The following RRH variants were observed in gnomAD, a reference collection of about 807,000 sequenced individuals.
The protein encoded by RRH is visual pigment-like receptor peropsin.
A neutral mutation model predicts 33.1 loss-of-function variants in RRH; 36 were observed. That is an observed-to-expected ratio of 1.09 (90% CI 0.83 to 1.44). RRH has a LOEUF of 1.44. RRH is among the 40% of genes most tolerant of loss of function. The pLI, the probability that RRH is intolerant of heterozygous loss-of-function variation, is 0.00. For missense variants in RRH, 393 were observed against 420.2 expected (o/e 0.94, Z 0.57); for synonymous variants, 124 against 140.2 (o/e 0.88, Z 0.82).
At chr4:109,829,592 C>G (rs901690318) in intron 1 of RRH, among the ~76,000 whole-genome samples, 1 of 152,108 alleles carries the variant, frequency 6.6e-6, no homozygotes, top group Non-Finnish European at 1.5e-5. Flanking sequence ...ATACCAAGCA[C>G]TGTTCTAAAA....
At chr4:109,836,874 T>C (rs1733893871) in intron 4 of RRH, among the ~76,000 whole-genome samples, 2 of 123,702 alleles carry the variant, frequency 1.6e-5, no homozygotes, top group South Asian at 2.6e-4. Flanking sequence ...GGGCAACATA[T>C]TGAGACCCTG....
chr4:109,844,333 G>A lies in RRH; in HGVS notation c.*136G>A, dbSNP rs80108392. ...AGTGTAAGCTCCTCAAGCACAGCTC[G>A]TGCTTCTGTTTGTGCACTCTGGCTG... is the stretch of plus-strand genomic sequence containing the variant. On this transcript the variant is annotated 3_prime_UTR_variant, in exon 7 of 7. Transcript: ENST00000317735. The A allele has an allele frequency of 0.02, 12,574 of 638,576 alleles. 698 individuals carry two copies. Among genetic ancestry groups the A allele is most frequent in the East Asian group, 0.13 (4,420 of 32,834 alleles). The allele number at this position is 638,576 out of a possible 1,614,324, so 39.6% of individuals were successfully genotyped here.
chr4:109,835,376 G>GATTGAAT lies in RRH; in HGVS notation c.312_318dup (p.Phe107GlufsTer27), dbSNP rs1207040359. ...AATTTTGGTTTTCAGGTTTATGCTG[G>GATTGAAT]ATTGAATATTTTTTTTGGAATGGCA... On this transcript the variant is annotated frameshift_variant, in exon 3 of 7. Transcript: ENST00000317735. LOFTEE classifies it high-confidence loss of function. 1.2e-6 allele frequency: 2 copies of GATTGAAT among 1,613,732 alleles called. No individual in the cohort carries two copies. The highest frequency in any genetic ancestry group is 2.2e-5 in the South Asian group (2 of 91,074).
At chr4:109,843,453 C>T (rs1022662868) in intron 6 of RRH, among the ~76,000 whole-genome samples, 2 of 152,238 alleles carry the variant, frequency 1.3e-5, no homozygotes, top group Non-Finnish European at 2.9e-5. Flanking sequence ...TCGTGATCCG[C>T]CCGCCTCGGC....
At chr4:109,834,192 C>T (rs1186530182) in intron 2 of RRH, among the ~76,000 whole-genome samples, 3 of 152,060 alleles carry the variant, frequency 2.0e-5, no homozygotes, top group Admixed American at 2.0e-4. Flanking sequence ...TGAGGTTTAT[C>T]CATGTTGATG....
At chr4:109,834,023 A>G (rs1733823079) in intron 2 of RRH, among the ~76,000 whole-genome samples, 1 of 152,178 alleles carries the variant, frequency 6.6e-6, no homozygotes, top group Admixed American at 6.5e-5. Flanking sequence ...GATGAAGGCC[A>G]CCGCATGCCA....
In RRH at chr4:109,844,108, T is replaced by C; in HGVS notation, c.925T>C (p.Phe309Leu). 1 of 1,613,834 alleles carries C rather than the reference T, an allele frequency of 6.2e-7. No homozygotes were observed. The highest frequency in any genetic ancestry group is 2.2e-5 in the East Asian group (1 of 44,868). Residue 309 changes from phenylalanine (F) to leucine (L), a missense_variant, in exon 7 of 7, where the codon TTC (phenylalanine) becomes CTC (leucine). By Grantham distance (22) the Phe-to-Leu change is conservative. Transcript: ENST00000317735. Reference sequence around the variant, plus strand: ...GTTTCGGAGGGCAATGCTTGCCATGTTCAAATGTCAGACTCACCAAACAAT... The same window carrying C: ...GTTTCGGAGGGCAATGCTTGCCATGCTCAAATGTCAGACTCACCAAACAAT... ...KKFRRAMLAM[F>L]KCQTHQTMPV...
Position 109,836,036 on chromosome 4 carries a change from G to T in RRH, c.427G>T (p.Gly143Cys). The change falls in exon 4 of 7, where the codon GGC becomes TGC. Residue 143 changes from glycine to cysteine, a missense_variant. Physicochemically the swap from Gly to Cys is radical, Grantham distance 159 (BLOSUM62 -3). Coordinates refer to ENST00000317735, the MANE Select transcript of RRH (RefSeq NM_006583.5). ...GRRMTTNTYI[G>C]LILGAWINGL... ...AAGAATGACCACCAACACTTACATC[G>T]GCTTGATTCTGGGAGCCTGGATCAA... The T allele has an allele frequency of 2.5e-6, 4 of 1,614,102 alleles. No individual in the cohort carries two copies. Among genetic ancestry groups the T allele is most frequent in the Non-Finnish European group, 3.4e-6 (4 of 1,180,026 alleles).
intron 5 of RRH, among the ~76,000 whole-genome samples, chr4:109,838,420 A>T (rs1479600113): frequency 6.6e-6 from 1 of 151,974 alleles, no homozygotes; most frequent in South Asian, 2.1e-4. Flanking sequence ...GAAAGCCAAC[A>T]TCCTCAGGCC....
At chr4:109,842,240 T>C (rs1195651444) in intron 5 of RRH, among the ~76,000 whole-genome samples, 5 of 152,110 alleles carry the variant, frequency 3.3e-5, no homozygotes, top group Non-Finnish European at 1.5e-5. Context: ...AAAAGCAATG[T>C]TATATATTCT....
intron 4 of RRH, 128 bp downstream of exon 4, chr4:109,836,288 G>A: frequency 1.0e-6 from 1 of 960,506 alleles, no homozygotes; most frequent in Non-Finnish European, 1.6e-6. Context: ...TGGTAGTGAT[G>A]ATGTGATTCT....
chr4:109,837,772 TG>T (rs1204055890), intron 5 of RRH, among the ~76,000 whole-genome samples, 167 bp downstream of exon 5: 1 of 152,204 alleles, frequency 6.6e-6, no homozygotes, highest in Non-Finnish European at 1.5e-5. Context: ...CTTTTATTTT[TG>T]TTTTTTGCTT....
At chr4:109,837,861 C>T (rs929973078) in intron 5 of RRH, among the ~76,000 whole-genome samples, 7 of 152,102 alleles carry the variant, frequency 4.6e-5, no homozygotes, top group Non-Finnish European at 1.0e-4. Flanking sequence ...CTGCAACCTC[C>T]GCCTCCCGGG....
chr4:109,840,160 C>T (rs1376942220), intron 5 of RRH, among the ~76,000 whole-genome samples: 1 of 151,820 alleles, frequency 6.6e-6, no homozygotes, highest in Non-Finnish European at 1.5e-5. Flanking sequence ...AGCAGCTATT[C>T]TGACTGGTAT....
chr4:109,828,163 T>C, intron 1 of RRH, 30 bp downstream of exon 1: 1 of 1,458,100 alleles, frequency 6.9e-7, no homozygotes, highest in Non-Finnish European at 9.6e-7. Context: ...TTATTTTTCT[T>C]TAGAATGGGT....
chr4:109,840,107 T>TC (rs1733959027), intron 5 of RRH, among the ~76,000 whole-genome samples: 1 of 152,194 alleles, frequency 6.6e-6, no homozygotes, highest in South Asian at 2.1e-4. Flanking sequence ...AGTGTTTTTT[T>TC]CCCACAACCT....
chr4:109,832,056 T>C (rs1038219723), intron 1 of RRH, among the ~76,000 whole-genome samples: 2 of 151,634 alleles, frequency 1.3e-5, no homozygotes, highest in African/African-American at 4.9e-5. Flanking sequence ...AGTAATTCTT[T>C]TCTTGATGGG....
At chr4:109,832,882 A>T (rs1733788651) in intron 1 of RRH, among the ~76,000 whole-genome samples, 2 of 152,184 alleles carry the variant, frequency 1.3e-5, no homozygotes, top group African/African-American at 4.8e-5. Context: ...AACACTCAAT[A>T]GCAATGACAT....
Position 109,839,955 on chromosome 4 carries a change from A to G in RRH, c.720+2350A>G, listed in dbSNP as rs1733956032. Among the ~76,000 whole-genome samples, 3 of 152,198 alleles carry G rather than the reference A, an allele frequency of 2.0e-5. No individual in the cohort carries two copies. The South Asian group carries it at 6.2e-4, about 32-fold the overall frequency. ...CATGTGCATGTGTCTTTATAATACAATGATTTATATTCCTTTGGGTATATA... is the reference window on the plus strand; with the variant it reads ...CATGTGCATGTGTCTTTATAATACAGTGATTTATATTCCTTTGGGTATATA... On this transcript the variant is annotated intron_variant, in intron 5 of 6. Coordinates refer to ENST00000317735, the MANE Select transcript of RRH (RefSeq NM_006583.5).
Sources: allele counts gnomAD v4.1 joint callset (sites outside exome capture counted in the v4.1 genomes callset), GRCh38; gene constraint gnomAD v4.1.1; transcripts MANE v1.5; gene names NCBI Gene and HGNC (gene_info 2026-07-23, HGNC 2026-07-21).